Variants in CPNE7 observed in about 807,000 individuals in gnomAD.
CPNE7 encodes copine-7.
CPNE7 carries 78 observed loss-of-function variants against 66.5 expected under a neutral mutation model. That is an observed-to-expected ratio of 1.17 (90% CI 0.98 to 1.42). The LOEUF (loss-of-function observed/expected upper bound fraction) is 1.42, where lower values mean the gene tolerates loss of function less well. Ranked by LOEUF, CPNE7 falls within the 40% of genes most tolerant of loss-of-function variation. The pLI, the probability that CPNE7 is intolerant of heterozygous loss-of-function variation, is 0.00. For synonymous variants in CPNE7, 468 were observed against 336.7 expected, an observed-to-expected ratio of 1.39 and a Z score of -4.27; for missense variants, 1,012 against 776.6, an observed-to-expected ratio of 1.30 and a Z score of -3.60.
Position 89,596,756 on chromosome 16 carries a change from C to T in CPNE7, c.*135C>T. 1 of 1,118,186 alleles carries T rather than the reference C, an allele frequency of 8.9e-7. No homozygotes were observed. Among genetic ancestry groups the T allele is most frequent in the South Asian group, 2.2e-5 (1 of 46,296 alleles). 69.3% of individuals were successfully genotyped at this position (1,118,186 alleles called of 1,614,324 possible). A position where few individuals can be genotyped will look rare whatever the true frequency, so the allele number is the denominator to read the frequency against. ...TCCCCACCAGGCCCCACTCCCAGTC[C>T]TCCTGGGATCCTGCTGGCTTGGGCC... On this transcript the variant is annotated 3_prime_UTR_variant, in exon 15 of 15. Coordinates refer to ENST00000319518, the MANE Select transcript of CPNE7 (RefSeq NM_153636.3).
intron 2 of CPNE7, chr16:89,583,442 A>G (rs2058985607): frequency 6.5e-7 from 1 of 1,550,086 alleles, no homozygotes; most frequent in African/African-American, 1.4e-5. Flanking sequence ...CCTGGTAAAT[A>G]GGTATGATGA....
Position 89,584,757 on chromosome 16 carries a change from C to T in CPNE7, c.508-17C>T, listed in dbSNP as rs750625522. 1 of 1,606,054 alleles carries T rather than the reference C, an allele frequency of 6.2e-7. No individual in the cohort carries two copies. The highest frequency in any genetic ancestry group is 8.5e-7 in the Non-Finnish European group (1 of 1,174,380). ...TCTCACAGTGCCTGGCCCAGCAGCC[C>T]TTGTGCCTCTCCCCAGGACCTCTTC... is the stretch of plus-strand genomic sequence containing the variant. On this transcript the variant is annotated splice_polypyrimidine_tract_variant and intron_variant, in intron 4 of 14. Transcript: ENST00000319518. The surrounding 1 kb of genome is among the most constrained non-coding windows in gnomAD (Gnocchi z 6.0).
chr16:89,591,317 A>G (rs61740479), intron 13 of CPNE7, 57 bp downstream of exon 13: 33 of 1,484,924 alleles, frequency 2.2e-5, no homozygotes, highest in Non-Finnish European at 2.8e-5. Flanking sequence ...TGTGTGCACC[A>G]GCGCGTGGAC....
chr16:89,593,391 C>A (rs2059204782), intron 13 of CPNE7, among the ~76,000 whole-genome samples: 1 of 151,162 alleles, frequency 6.6e-6, no homozygotes, highest in Non-Finnish European at 1.5e-5. Flanking sequence ...TCTCGCTCTT[C>A]ACCCAGGCTG....
In CPNE7 at chr16:89,575,927, G is replaced by A. The variant is rs1941696666; in HGVS notation, c.30G>A (p.Ala10=). MSAGSERGA[A]ATPGGLPAPC... ...GCGCGGGCTCGGAGCGCGGGGCGGC[G>A]GCAACCCCCGGGGGTTTGCCCGCGC... The change falls in exon 1 of 15, where the codon GCG becomes GCA. Residue 10 remains alanine (A), a synonymous_variant. Transcript: ENST00000319518. 6.3e-6 allele frequency: 8 copies of A among 1,265,598 alleles called. No individual in the cohort carries two copies. Among genetic ancestry groups the A allele is most frequent in the Non-Finnish European group, 6.0e-6 (6 of 1,005,258 alleles). 78.4% of individuals were successfully genotyped at this position (1,265,598 alleles called of 1,614,324 possible). A position where few individuals can be genotyped will look rare whatever the true frequency, so the allele number is the denominator to read the frequency against.
chr16:89,594,512 G>A (rs1025940193), intron 13 of CPNE7, among the ~76,000 whole-genome samples: 1 of 152,056 alleles, frequency 6.6e-6, no homozygotes, highest in Non-Finnish European at 1.5e-5. Flanking sequence ...GCTGCTGTGG[G>A]CTCCCGCTCT....
Position 89,576,055 on chromosome 16 carries a change from AG to A in CPNE7, c.161del (p.Gly54AlafsTer73). ...AGCGTGGCGTTGCTGCAGCAGGCGC[AG>A]GGCCAGTGGGTGCAGGTAGGGCCGG... ...DPSVALLQQAQGQWVQVGRTE... is the reference protein window; with the variant it reads ...DPSVALLQQAXGQWVQVGRTE... On this transcript the variant is annotated frameshift_variant, in exon 1 of 15. Coordinates refer to ENST00000319518, the MANE Select transcript of CPNE7 (RefSeq NM_153636.3). LOFTEE classifies it high-confidence loss of function. 7.7e-7 allele frequency: 1 copy of A among 1,305,374 alleles called. No individual in the cohort carries two copies. Among genetic ancestry groups the A allele is most frequent in the East Asian group, 3.1e-5 (1 of 32,364 alleles). 80.9% of individuals were successfully genotyped at this position (1,305,374 alleles called of 1,614,324 possible).
intron 1 of CPNE7, among the ~76,000 whole-genome samples, chr16:89,577,100 G>A (rs1489728934): frequency 6.6e-6 from 1 of 152,156 alleles, no homozygotes; most frequent in Admixed American, 6.5e-5. Context: ...TGTCCTTACG[G>A]GGCAGTTGGA....
chr16:89,585,519 C>A lies in CPNE7; in HGVS notation c.647C>A (p.Ser216Tyr). The A allele has an allele frequency of 1.9e-6, 3 of 1,612,154 alleles. No individual in the cohort carries two copies. In the South Asian group the frequency reaches 3.3e-5, roughly 18 times the overall value. The change falls in exon 6 of 15, where the codon TCC becomes TAC. Residue 216 changes from serine (S) to tyrosine (Y), a missense_variant. Physicochemically the swap from Ser to Tyr is moderately radical, Grantham distance 144 (BLOSUM62 -2). Coordinates refer to ENST00000319518, the MANE Select transcript of CPNE7 (RefSeq NM_153636.3). ...VWEAFKVSLS[S>Y]LCSCEETRPL... ...GAGGCCTTCAAAGTCTCTCTGAGTT[C>A]CCTCTGCAGCTGCGAGGAGACAAGG...
In CPNE7 at chr16:89,588,369, G is replaced by A. The variant is rs368535327; in HGVS notation, c.928-306G>A. On this transcript the variant is annotated intron_variant, in intron 9 of 14. Transcript: ENST00000319518. The stretch of plus-strand genomic sequence containing the variant: ...GGCTTGGTCCACTTAGGCCCTGCCG[G>A]GGAGGGTGGTAGAGGGGTTGGGCGG... 7.9e-5 allele frequency among the ~76,000 whole-genome samples: 12 copies of A among 152,360 alleles called. No homozygotes were observed. In the East Asian group the frequency reaches 1.4e-3, roughly 17 times the overall value.
At chr16:89,593,647 C>T (rs919086441) in intron 13 of CPNE7, among the ~76,000 whole-genome samples, 6 of 152,208 alleles carry the variant, frequency 3.9e-5, no homozygotes, top group Non-Finnish European at 5.9e-5. Context: ...CCACCGCGCC[C>T]GGCCTACCTC....
intron 2 of CPNE7, among the ~76,000 whole-genome samples, chr16:89,579,830 A>C (rs577775064): frequency 7.6e-5 from 1 of 13,130 alleles, no homozygotes; most frequent in Non-Finnish European, 2.4e-4. Flanking sequence ...AACATCCCAC[A>C]CCCATCACAC....
At chr16:89,594,332 C>G (rs1000751449) in intron 13 of CPNE7, among the ~76,000 whole-genome samples, 2 of 152,044 alleles carry the variant, frequency 1.3e-5, no homozygotes, top group African/African-American at 2.4e-5. Context: ...GCCTTGCAAA[C>G]AGGTAATTCT....
At chr16:89,591,093 C>CT in intron 12 of CPNE7, 34 bp from the exon 13 acceptor site, 1 of 1,613,276 alleles carries the variant, frequency 6.2e-7, no homozygotes, top group Non-Finnish European at 8.5e-7. Flanking sequence ...GAGGGGAGTG[C>CT]AGGGGGGCCG....
rs763486441 is a variant in CPNE7, at chr16:89,577,529, G to A, written c.175-10G>A. On this transcript the variant is annotated splice_polypyrimidine_tract_variant and intron_variant, in intron 1 of 14. Coordinates refer to ENST00000319518, the MANE Select transcript of CPNE7 (RefSeq NM_153636.3). ...TCTGGAGTGGGGTCGGCTCACAGGTGCACTTGCAGGTGGGCAGAACCGAGG... is the reference window on the plus strand; with the variant it reads ...TCTGGAGTGGGGTCGGCTCACAGGTACACTTGCAGGTGGGCAGAACCGAGG... 8 of 1,551,002 alleles carry A rather than the reference G, an allele frequency of 5.2e-6. No homozygotes were observed. Among genetic ancestry groups the A allele is most frequent in the Non-Finnish European group, 1.7e-6 (2 of 1,146,808 alleles).
Position 89,595,513 on chromosome 16 carries a change from G to C in CPNE7, c.1449G>C (p.Leu483=). 6.2e-7 allele frequency: 1 copy of C among 1,612,654 alleles called. No individual in the cohort carries two copies. Among genetic ancestry groups the C allele is most frequent in the African/African-American group, 1.3e-5 (1 of 75,078 alleles). Residue 483 remains leucine, a synonymous_variant, in exon 14 of 15, where the codon CTG becomes CTC. Transcript: ENST00000319518. Reference sequence around the variant, plus strand: ...CCGACTTCACCGACATGCAGGTCCTGGACGGCGACGACGGCGTCCTGCGCT... The same window carrying C: ...CCGACTTCACCGACATGCAGGTCCTCGACGGCGACGACGGCGTCCTGCGCT... The part of the protein sequence containing the change: ...GNADFTDMQV[L]DGDDGVLRSP...
chr16:89,588,384 G>A (rs988449228), intron 9 of CPNE7, among the ~76,000 whole-genome samples: 1 of 152,214 alleles, frequency 6.6e-6, no homozygotes. Flanking sequence ...GGTGGTAGAG[G>A]GGTTGGGCGG....
rs74037235 is a variant in CPNE7 at position 89,596,208 on chromosome 16, G to A, written c.1540-276G>A. 6.3e-3 allele frequency among the ~76,000 whole-genome samples: 963 copies of A among 152,276 alleles called. 13 individuals are homozygous for A. The highest frequency in any genetic ancestry group is 0.022 in the African/African-American group (928 of 41,498). ...CACACAGACACGCTCAGGCTTTGCC[G>A]GGGAAGTGTGGGTGGGGCCTGGACC... On this transcript the variant is annotated intron_variant, in intron 14 of 14. Transcript: ENST00000319518.
intron 9 of CPNE7, 79 bp from the exon 10 acceptor site, chr16:89,588,596 G>A: frequency 6.3e-7 from 1 of 1,580,814 alleles, no homozygotes; most frequent in Non-Finnish European, 8.6e-7. Context: ...GGCCACTCTG[G>A]GCGTGGTTTC....
Sources: allele counts gnomAD v4.1 joint callset (sites outside exome capture counted in the v4.1 genomes callset), GRCh38; gene constraint gnomAD v4.1.1; non-coding constraint Gnocchi (gnomAD v3.1); transcripts MANE v1.5; gene names NCBI Gene and HGNC (gene_info 2026-07-23, HGNC 2026-07-21).